Variants in ERBB3 observed in about 807,000 individuals in gnomAD.
ERBB3 encodes the protein receptor tyrosine-protein kinase erbB-3.
A neutral mutation model predicts 156.7 loss-of-function variants in ERBB3; 96 were observed. That is an observed-to-expected ratio of 0.61 (90% CI 0.52 to 0.73). The LOEUF (loss-of-function observed/expected upper bound fraction) is 0.73. ERBB3 is among the 30% of genes least tolerant of loss of function. The probability of loss-of-function intolerance (pLI) is 0.00; values close to 1 mark genes in which losing one functional copy is unlikely to be tolerated. For missense variants in ERBB3, 1,406 were observed against 1,709.4 expected, an observed-to-expected ratio of 0.82 and a Z score of 3.13; for synonymous variants, 567 against 632.0, an observed-to-expected ratio of 0.90 and a Z score of 1.54.
chr12:56,103,063 T>G lies in ERBB3; in HGVS notation c.*1008T>G, dbSNP rs1731855068. The G allele has an allele frequency of 4.3e-6, 1 of 230,428 alleles. No individual in the cohort carries two copies. Among genetic ancestry groups the G allele is most frequent in the Non-Finnish European group, 8.6e-6 (1 of 116,006 alleles). The allele number at this position is 230,428 out of a possible 1,614,324, so 14.3% of individuals were successfully genotyped here. A position where few individuals can be genotyped will look rare whatever the true frequency, so the allele number is the denominator to read the frequency against. ...CTCCCAATTCCTGTGCATGTGCTCT[T>G]ATTGTAAGGTGCCAAGAAAAACTGA... On this transcript the variant is annotated 3_prime_UTR_variant, in exon 28 of 28. Transcript: ENST00000267101.
rs1270401084 is a variant in ERBB3 at position 56,087,571 on chromosome 12, A to G, written c.548-6A>G. ...GGCCCCTTGTGTTGCCTTCCTTCCC[A>G]ACCAGGTCCCCCCTGTCATGAGGTT... On this transcript the variant is annotated splice_region_variant and splice_polypyrimidine_tract_variant and intron_variant, in intron 4 of 27. Transcript: ENST00000267101. The G allele has an allele frequency of 6.2e-7, 1 of 1,613,898 alleles. No individual in the cohort carries two copies. Among genetic ancestry groups the G allele is most frequent in the East Asian group, 2.2e-5 (1 of 44,872 alleles).
At position 56,094,415 on chromosome 12, in the gene ERBB3, G is replaced by T. The variant is rs758858051; in HGVS notation, c.1718G>T (p.Cys573Phe). ...TCTTCCACTCAGGGCTCTGATACTTGTGCTCAATGTGCCCATTTTCGAGAT... is the reference window on the plus strand; with the variant it reads ...TCTTCCACTCAGGGCTCTGATACTTTTGCTCAATGTGCCCATTTTCGAGAT... ...ATCNGSGSDT[C>F]AQCAHFRDGP... The change falls in exon 15 of 28, where the codon TGT becomes TTT. Residue 573 changes from cysteine (C) to phenylalanine (F), a missense_variant. By Grantham distance (205) the Cys-to-Phe change is radical (BLOSUM62 -2). This residue lies in a region of ERBB3 where 979 missense variants were observed against 1,219.6 expected (regional missense o/e 0.80). Transcript: ENST00000267101. 1 of 1,614,000 alleles carries T rather than the reference G, an allele frequency of 6.2e-7. No individual in the cohort carries two copies.
chr12:56,099,488 G>A (rs892052015), intron 23 of ERBB3, among the ~76,000 whole-genome samples, 160 bp from the exon 24 acceptor site: 4 of 151,006 alleles, frequency 2.6e-5, no homozygotes, highest in African/African-American at 9.8e-5. Context: ...TAGTAGAGAT[G>A]GGGTTTCACT....
intron 2 of ERBB3, among the ~76,000 whole-genome samples, chr12:56,084,416 G>T (rs971114329): frequency 1.3e-5 from 2 of 152,042 alleles, no homozygotes; most frequent in Non-Finnish European, 2.9e-5. Context: ...TTCAAGACCA[G>T]CCTGGGCAAT....
intron 2 of ERBB3, among the ~76,000 whole-genome samples, chr12:56,084,545 C>T (rs555359169): frequency 5.4e-4 from 81 of 148,654 alleles, no homozygotes; most frequent in Admixed American, 2.3e-3. Context: ...AGGAGTTTGA[C>T]GCTGCAGTGA....
chr12:56,099,308 CTTTTT>C (rs908788086), intron 23 of ERBB3, among the ~76,000 whole-genome samples: 2 of 146,238 alleles, frequency 1.4e-5, no homozygotes, highest in African/African-American at 5.0e-5. Flanking sequence ...GGCTCTATTC[CTTTTT>C]TTTTTATGGA....
At position 56,101,693 on chromosome 12, in the gene ERBB3, G is replaced by A. The variant is rs1254014051; in HGVS notation, c.3667G>A (p.Glu1223Lys). Residue 1223 changes from glutamate (E) to lysine (K), a missense_variant, in exon 28 of 28, where the codon GAG becomes AAG. By Grantham distance (56) the Glu-to-Lys change is moderately conservative. Coordinates refer to ENST00000267101, the MANE Select transcript of ERBB3 (RefSeq NM_001982.4). Reference protein sequence around the residue: ...RPSSLEELGYEYMDVGSDLSA... With the variant: ...RPSSLEELGYKYMDVGSDLSA... ...AAGTTCCCTTGAGGAGCTGGGTTATGAGTACATGGATGTGGGGTCAGACCT... is the reference window on the plus strand; with the variant it reads ...AAGTTCCCTTGAGGAGCTGGGTTATAAGTACATGGATGTGGGGTCAGACCT... 6.2e-6 allele frequency: 10 copies of A among 1,613,994 alleles called. No homozygotes were observed. Among genetic ancestry groups the A allele is most frequent in the Non-Finnish European group, 8.5e-6 (10 of 1,180,010 alleles).
chr12:56,097,108 G>A lies in ERBB3; in HGVS notation c.2338G>A (p.Gly780Arg). ...TGTAAGGCTGCTGGGACTATGCCCA[G>A]GGTCATCTCTGCAGCTTGTCACTCA... ...HIVRLLGLCP[G>R]SSLQLVTQYL... The change falls in exon 20 of 28, where the codon GGG becomes AGG. Residue 780 changes from glycine (G) to arginine (R), a missense_variant. Physicochemically the swap from Gly to Arg is moderately radical, Grantham distance 125 (BLOSUM62 -2). Around this residue, in one of 3 missense-constraint regions of ERBB3, gnomAD observed 979 missense variants for 1,219.6 expected, o/e 0.80. Transcript: ENST00000267101. 1.2e-6 allele frequency: 2 copies of A among 1,614,154 alleles called. No homozygotes were observed. Among genetic ancestry groups the A allele is most frequent in the Non-Finnish European group, 1.7e-6 (2 of 1,180,028 alleles).
chr12:56,081,514 T>G (rs1037897189), intron 1 of ERBB3, among the ~76,000 whole-genome samples: 1 of 152,172 alleles, frequency 6.6e-6, no homozygotes, highest in African/African-American at 2.4e-5. Context: ...CCTGGGATTT[T>G]TAGATGTGAA....
At chr12:56,087,511 C>T in intron 4 of ERBB3, 66 bp from the exon 5 acceptor site, 1 of 1,316,996 alleles carries the variant, frequency 7.6e-7, no homozygotes, top group Non-Finnish European at 1.1e-6. Context: ...GACATCATAC[C>T]CCGTTGATTA....
intron 11 of ERBB3, 89 bp from the exon 12 acceptor site, chr12:56,093,256 C>G: frequency 1.5e-6 from 2 of 1,327,074 alleles, no homozygotes; most frequent in Non-Finnish European, 2.2e-6. Flanking sequence ...CTGACTAGCA[C>G]TGAGCAAATT....
intron 22 of ERBB3, 81 bp downstream of exon 22, chr12:56,098,656 T>C (rs528386835): frequency 6.3e-7 from 1 of 1,575,810 alleles, no homozygotes; most frequent in East Asian, 2.2e-5. Context: ...TTAGAATCTC[T>C]AAGCACTTCA....
At chr12:56,096,068 A>T in intron 17 of ERBB3, 1 of 564,996 alleles carries the variant, frequency 1.8e-6, no homozygotes, top group Non-Finnish European at 3.2e-6. Flanking sequence ...ACTTTGAAGA[A>T]GTTACTTATC....
intron 1 of ERBB3, among the ~76,000 whole-genome samples, chr12:56,082,494 A>T (rs941408120): frequency 1.3e-5 from 2 of 152,084 alleles, no homozygotes; most frequent in African/African-American, 4.8e-5. Flanking sequence ...GAGCCCTCCA[A>T]GGTCAAGAAG....
At chr12:56,093,584 G>A (rs2136810411) in intron 12 of ERBB3, 34 bp downstream of exon 12, 1 of 1,593,722 alleles carries the variant, frequency 6.3e-7, no homozygotes. Context: ...GGTGAGAATA[G>A]GGAGTCAGGG....
At chr12:56,098,307 G>T (rs1592231217) in intron 21 of ERBB3, 193 bp from the exon 22 acceptor site, 2 of 604,796 alleles carry the variant, frequency 3.3e-6, no homozygotes, top group African/African-American at 3.7e-5. Flanking sequence ...AGCTACTCGG[G>T]AGGCTGAGGC....
In ERBB3 at chr12:56,101,618, G is replaced by T; in HGVS notation, c.3592G>T (p.Glu1198Ter). Residue 1198 changes from glutamate to a stop codon, truncating the protein, a stop_gained, in exon 28 of 28, where the codon GAA (glutamate) becomes TAA (stop). Transcript: ENST00000267101. LOFTEE classifies it high-confidence loss of function. ...AGAAGAAGATGAAGATGAGGAGTATGAATACATGAACCGGAGGAGAAGGCA... is the reference window on the plus strand; with the variant it reads ...AGAAGAAGATGAAGATGAGGAGTATTAATACATGAACCGGAGGAGAAGGCA... ...TEEEDEDEEYEYMNRRRRHSP... is the reference protein window; with the variant it reads ...TEEEDEDEEY 5 of 1,614,060 alleles carry T rather than the reference G, an allele frequency of 3.1e-6. No individual in the cohort carries two copies. Among genetic ancestry groups the T allele is most frequent in the Non-Finnish European group, 4.2e-6 (5 of 1,180,016 alleles).
chr12:56,097,288 G>A, intron 20 of ERBB3, 58 bp downstream of exon 20: 2 of 1,546,316 alleles, frequency 1.3e-6, no homozygotes, highest in Non-Finnish European at 1.8e-6. Context: ...GGCCAGCCAG[G>A]AAAAAGTGAG....
Position 56,080,241 on chromosome 12 carries a change from T to G in ERBB3, c.-60T>G. 2 of 1,386,272 alleles carry G rather than the reference T, an allele frequency of 1.4e-6. No homozygotes were observed. The highest frequency in any genetic ancestry group is 2.9e-5 in the African/African-American group (2 of 70,112). The allele number at this position is 1,386,272 out of a possible 1,614,324, so 85.9% of individuals were successfully genotyped here. ...GGTTCAGGTGGCTCTTGCCTCGATG[T>G]CCTAGCCTAGGGGCCCCCGGGCCGG... On this transcript the variant is annotated 5_prime_UTR_variant, in exon 1 of 28. Transcript: ENST00000267101.
Sources: allele counts gnomAD v4.1 joint callset (sites outside exome capture counted in the v4.1 genomes callset), GRCh38; gene constraint gnomAD v4.1.1; regional missense constraint gnomAD v4.1.1; transcripts MANE v1.5; gene names NCBI Gene and HGNC (gene_info 2026-07-23, HGNC 2026-07-21).